The following ACAP2 variants were observed in gnomAD, a reference collection of about 807,000 sequenced individuals.
ACAP2 encodes ArfGAP with coiled-coil, ankyrin repeat and PH domains 2.
A neutral mutation model predicts 115.8 loss-of-function variants in ACAP2; 39 were observed. The observed-to-expected ratio is 0.34, with a 90% CI of 0.26 to 0.44. ACAP2 has a LOEUF of 0.44. Ranked by LOEUF, ACAP2 falls within the 20% of genes least tolerant of loss-of-function variation. ACAP2 has a pLI of 1.00. For missense variants in ACAP2, 662 were observed against 927.6 expected (o/e 0.71, Z 3.72); for synonymous variants, 289 against 315.8 (o/e 0.92, Z 0.90).
At chr3:195,289,267 A>C (rs900202535) in intron 20 of ACAP2, 36 bp from the exon 21 acceptor site, 3 of 1,469,644 alleles carry the variant, frequency 2.0e-6, no homozygotes, top group South Asian at 1.2e-5. Context: ...GATATTGTCG[A>C]TAAGAAAAAA....
intron 4 of ACAP2, among the ~76,000 whole-genome samples, chr3:195,366,271 T>C (rs1202392020): frequency 6.6e-6 from 1 of 152,222 alleles, no homozygotes; most frequent in African/African-American, 2.4e-5. Flanking sequence ...GATGCAATCT[T>C]GTTGAAGAAA....
intron 1 of ACAP2, among the ~76,000 whole-genome samples, chr3:195,437,988 A>G (rs1338558954): frequency 1.4e-5 from 2 of 139,856 alleles, no homozygotes; most frequent in African/African-American, 5.4e-5. Context: ...AAGTGCTGGG[A>G]TTACAAATGT....
At chr3:195,441,498 C>G (rs985581489) in intron 1 of ACAP2, among the ~76,000 whole-genome samples, 26 of 152,184 alleles carry the variant, frequency 1.7e-4, no homozygotes, top group African/African-American at 5.6e-4. Flanking sequence ...ACGCAAAAAG[C>G]GTTCTTAAAT....
rs144729270 is a variant in ACAP2 at position 195,410,135 on chromosome 3, G to T, written c.54-17988C>A. Among the ~76,000 whole-genome samples the T allele has an allele frequency of 6.0e-3, 914 of 152,128 alleles. 15 individuals carry two copies. The highest frequency in any genetic ancestry group is 0.021 in the African/African-American group (876 of 41,492). Reference sequence around the variant, plus strand: ...TTAACCCTCATATATATATTCAAATGATTTTTGTCAAGAGTATCACTACAA... The same window carrying T: ...TTAACCCTCATATATATATTCAAATTATTTTTGTCAAGAGTATCACTACAA... On this transcript the variant is annotated intron_variant, in intron 1 of 22. Coordinates refer to ENST00000326793, the MANE Select transcript of ACAP2 (RefSeq NM_012287.6).
In ACAP2 at chr3:195,380,629, G is replaced by A. The variant is rs192249969; in HGVS notation, c.285+380C>T. On this transcript the variant is annotated intron_variant, in intron 4 of 22. Transcript: ENST00000326793. ...ATTGTTTAGATAAAGGGAATATATT[G>A]GTAAGTATCTAAAAAGAAACAGCTA... 2.0e-5 allele frequency among the ~76,000 whole-genome samples: 3 copies of A among 152,136 alleles called. No homozygotes were observed. In the East Asian group the frequency reaches 5.8e-4, roughly 29 times the overall value.
chr3:195,287,468 G>A lies in ACAP2; in HGVS notation c.2175-1611C>T, dbSNP rs564890138. Among the ~76,000 whole-genome samples the A allele has an allele frequency of 2.6e-5, 4 of 151,106 alleles. No homozygotes were observed. In the East Asian group the frequency reaches 7.8e-4, roughly 29 times the overall value. On this transcript the variant is annotated intron_variant, in intron 21 of 22. Coordinates refer to ENST00000326793, the MANE Select transcript of ACAP2 (RefSeq NM_012287.6). The stretch of plus-strand genomic sequence containing the variant: ...CAAGTAGCTACGACTACACGCATGT[G>A]CCACCACACCCGGCTAATTTTTAAT...
At position 195,342,792 on chromosome 3, in the gene ACAP2, G is replaced by A. The variant is rs112958082; in HGVS notation, c.345-138C>T. 5,027 of 565,178 alleles carry A rather than the reference G, an allele frequency of 8.9e-3. 178 individuals carry two copies. Among genetic ancestry groups the A allele is most frequent in the African/African-American group, 0.082 (4,229 of 51,472 alleles). 35.0% of individuals were successfully genotyped at this position (565,178 alleles called of 1,614,324 possible). The stretch of plus-strand genomic sequence containing the variant: ...GGGTGGATCATGAGGTCAAGAGATC[G>A]AGACCATCCTGGCCAACATGGTGAA... On this transcript the variant is annotated intron_variant, in intron 5 of 22. Transcript: ENST00000326793.
intron 2 of ACAP2, among the ~76,000 whole-genome samples, chr3:195,385,237 C>T (rs7643201): frequency 0.012 from 1,768 of 145,304 alleles, 30 homozygotes; most frequent in African/African-American, 0.04. Context: ...ACAACCCTAT[C>T]TCTGTATTCA....
intron 6 of ACAP2, among the ~76,000 whole-genome samples, chr3:195,337,590 C>G (rs1330014323): frequency 6.6e-6 from 1 of 151,850 alleles, no homozygotes; most frequent in Non-Finnish European, 1.5e-5. Context: ...CTGGGATTAC[C>G]GGCTTGTGCC....
chr3:195,281,283 T>C (rs1169502353), intron 22 of ACAP2, among the ~76,000 whole-genome samples: 1 of 151,924 alleles, frequency 6.6e-6, no homozygotes, highest in African/African-American at 2.4e-5. Context: ...TGGGCGCCTG[T>C]AGTCCCAGCT....
intron 21 of ACAP2, among the ~76,000 whole-genome samples, chr3:195,288,639 C>T (rs550409772): frequency 2.6e-5 from 4 of 152,076 alleles, no homozygotes; most frequent in Admixed American, 6.5e-5. Flanking sequence ...GGGTGGATCA[C>T]CTGAGGTCAG....
chr3:195,325,416 T>C (rs1012951168), intron 9 of ACAP2: 1 of 142,918 alleles, frequency 7.0e-6, no homozygotes, highest in Non-Finnish European at 1.4e-5. Context: ...GTGGACTGAT[T>C]TTTTTTTTTT....
intron 16 of ACAP2, among the ~76,000 whole-genome samples, chr3:195,296,600 T>C (rs12491371): frequency 6.6e-6 from 1 of 152,100 alleles, no homozygotes; most frequent in African/African-American, 2.4e-5. Context: ...CAGACAGAAA[T>C]CAGTATCAAC....
intron 4 of ACAP2, among the ~76,000 whole-genome samples, chr3:195,379,523 G>T (rs1044296862): frequency 5.3e-5 from 8 of 152,190 alleles, no homozygotes; most frequent in Non-Finnish European, 1.2e-4. Context: ...ACTGGGTGTA[G>T]TGGCTCACAC....
intron 15 of ACAP2, among the ~76,000 whole-genome samples, chr3:195,300,327 G>C (rs569456378): frequency 6.6e-6 from 1 of 152,194 alleles, no homozygotes; most frequent in East Asian, 1.9e-4. Flanking sequence ...TTACAGGCAT[G>C]AGCCACCGCA....
At chr3:195,371,971 T>A (rs1021626878) in intron 4 of ACAP2, among the ~76,000 whole-genome samples, 1 of 152,202 alleles carries the variant, frequency 6.6e-6, no homozygotes, top group Non-Finnish European at 1.5e-5. Context: ...AAATCCTTAA[T>A]TTTATAATCT....
At chr3:195,324,052 C>T (rs1182684310) in intron 9 of ACAP2, among the ~76,000 whole-genome samples, 1 of 151,396 alleles carries the variant, frequency 6.6e-6, no homozygotes, top group Admixed American at 6.6e-5. Flanking sequence ...TATGTACTAA[C>T]AAAAATTAAA....
intron 21 of ACAP2, among the ~76,000 whole-genome samples, chr3:195,288,353 A>G (rs1726987358): frequency 1.3e-5 from 2 of 152,216 alleles, no homozygotes; most frequent in African/African-American, 4.8e-5. Context: ...TCATGCATGT[A>G]AAGTGTTTAA....
chr3:195,397,828 C>A (rs1577413318), intron 1 of ACAP2, among the ~76,000 whole-genome samples: 1 of 152,026 alleles, frequency 6.6e-6, no homozygotes, highest in African/African-American at 2.4e-5. Flanking sequence ...AATGCACAAT[C>A]TCTTTTTGTT....
Sources: allele counts gnomAD v4.1 joint callset (sites outside exome capture counted in the v4.1 genomes callset), GRCh38; gene constraint gnomAD v4.1.1; transcripts MANE v1.5; gene names NCBI Gene and HGNC (gene_info 2026-07-23, HGNC 2026-07-21).